Variants in CTNND2 observed in about 807,000 individuals in gnomAD.
CTNND2 encodes catenin delta 2.
A neutral mutation model predicts 144.4 loss-of-function variants in CTNND2; 22 were observed. That is an observed-to-expected ratio of 0.15 (90% CI 0.11 to 0.22). The LOEUF (loss-of-function observed/expected upper bound fraction) is 0.22, where lower values mean the gene tolerates loss of function less well. Ranked by LOEUF, CTNND2 falls within the 10% of genes least tolerant of loss-of-function variation. The pLI, the probability that CTNND2 is intolerant of heterozygous loss-of-function variation, is 1.00. For synonymous variants in CTNND2, 751 were observed against 695.6 expected (o/e 1.08, Z -1.25); for missense variants, 1,353 against 1,618.8 (o/e 0.84, Z 2.82).
chr5:11,903,456 T>G lies in CTNND2; in HGVS notation c.37+361A>C. 1.1e-6 allele frequency: 1 copy of G among 871,542 alleles called. No homozygotes were observed. The allele number at this position is 871,542 out of a possible 1,614,324, so 54.0% of individuals were successfully genotyped here. On this transcript the variant is annotated intron_variant, in intron 1 of 21. Transcript: ENST00000304623. The surrounding 1 kb of genome is among the most constrained non-coding windows in gnomAD (Gnocchi z 5.4). ...CCCCACCCCGTCTCCTCCCGTATAT[T>G]AGGGACGTCATGAATGCACCGAGTA...
At chr5:11,772,485 G>C (rs1790003001) in intron 1 of CTNND2, among the ~76,000 whole-genome samples, 1 of 152,200 alleles carries the variant, frequency 6.6e-6, no homozygotes, top group Non-Finnish European at 1.5e-5. Flanking sequence ...AAAGTTGAAT[G>C]TGTATGCATT....
At chr5:11,211,594 A>C (rs764444160) in intron 10 of CTNND2, among the ~76,000 whole-genome samples, 4 of 152,224 alleles carry the variant, frequency 2.6e-5, no homozygotes, top group Non-Finnish European at 5.9e-5. Context: ...GAGTGTGTTG[A>C]TAATCATCAC....
intron 10 of CTNND2, among the ~76,000 whole-genome samples, chr5:11,222,560 C>A (rs991922781): frequency 1.3e-5 from 2 of 152,194 alleles, no homozygotes; most frequent in African/African-American, 4.8e-5. Flanking sequence ...ATTCTCAGCA[C>A]TTTGGGAGGC....
intron 11 of CTNND2, among the ~76,000 whole-genome samples, chr5:11,181,032 G>A (rs549382797): frequency 1.3e-5 from 2 of 152,310 alleles, no homozygotes; most frequent in Non-Finnish European, 2.9e-5. Context: ...GGCAGGTTAG[G>A]CAGGCTGGGC....
At chr5:11,155,719 T>A (rs1342326469) in intron 12 of CTNND2, among the ~76,000 whole-genome samples, 7 of 152,138 alleles carry the variant, frequency 4.6e-5, no homozygotes, top group African/African-American at 1.4e-4. Context: ...TTTAAGGCTT[T>A]TTTTTCCCCA....
intron 18 of CTNND2, among the ~76,000 whole-genome samples, chr5:10,995,845 G>C (rs1739281971): frequency 6.6e-6 from 1 of 152,132 alleles, no homozygotes; most frequent in Admixed American, 6.5e-5. Context: ...TGGTAGATGG[G>C]GTGACAGGAA....
At chr5:11,067,144 A>G (rs2149605037) in intron 16 of CTNND2, among the ~76,000 whole-genome samples, 1 of 152,320 alleles carries the variant, frequency 6.6e-6, no homozygotes. Flanking sequence ...ACTGCCTCAC[A>G]TCCCCTCTAT....
At chr5:11,750,992 G>C (rs1788579828) in intron 1 of CTNND2, among the ~76,000 whole-genome samples, 1 of 151,720 alleles carries the variant, frequency 6.6e-6, no homozygotes, top group Non-Finnish European at 1.5e-5. Context: ...ATAAAATTAA[G>C]ATTTCATAGA....
At chr5:11,698,682 C>G (rs1325727528) in intron 2 of CTNND2, among the ~76,000 whole-genome samples, 1 of 152,082 alleles carries the variant, frequency 6.6e-6, no homozygotes, top group Admixed American at 6.6e-5. Flanking sequence ...AAATCAGGGA[C>G]TAAATTTTCA....
intron 12 of CTNND2, among the ~76,000 whole-genome samples, chr5:11,147,999 C>A (rs886525): frequency 0.49 from 74,803 of 152,050 alleles, 18,621 homozygotes; most frequent in Admixed American, 0.56. Context: ...ACATAAAGGA[C>A]TGAAGTTCTA....
rs535333042 is a variant in CTNND2 at position 11,155,391 on chromosome 5, A to C, written c.2159+4185T>G. On this transcript the variant is annotated intron_variant, in intron 12 of 21. Coordinates refer to ENST00000304623, the MANE Select transcript of CTNND2 (RefSeq NM_001332.4). ...ACAAAATAACCTCATTTATTCTTAC[A>C]TCCTAAGCCTCTCCAACATTTTGCC... 2.6e-5 allele frequency among the ~76,000 whole-genome samples: 4 copies of C among 152,338 alleles called. 1 individual carries two copies. The South Asian group carries it at 8.3e-4, about 32-fold the overall frequency.
chr5:11,753,168 A>T (rs1327472123), intron 1 of CTNND2, among the ~76,000 whole-genome samples: 2 of 151,400 alleles, frequency 1.3e-5, no homozygotes, highest in Non-Finnish European at 3.0e-5. Context: ...GATGCCTTTT[A>T]TTTCTCCTTC....
intron 9 of CTNND2, among the ~76,000 whole-genome samples, chr5:11,269,241 G>C (rs929724553): frequency 6.6e-6 from 1 of 152,200 alleles, no homozygotes; most frequent in Non-Finnish European, 1.5e-5. Flanking sequence ...GCTTTGAACA[G>C]CGCTTACCCC....
intron 12 of CTNND2, among the ~76,000 whole-genome samples, chr5:11,143,432 C>T (rs952814968): frequency 3.3e-5 from 5 of 152,194 alleles, no homozygotes; most frequent in African/African-American, 1.2e-4. Context: ...TCTCTCTTAG[C>T]TTCTGGTGGT....
intron 3 of CTNND2, among the ~76,000 whole-genome samples, chr5:11,481,937 A>G (rs1240085031): frequency 1.3e-5 from 2 of 152,124 alleles, no homozygotes; most frequent in Non-Finnish European, 2.9e-5. Context: ...TAATTACGCC[A>G]TTTCTTTCTT....
chr5:11,336,391 A>G (rs16901506), intron 9 of CTNND2, among the ~76,000 whole-genome samples: 4,758 of 152,308 alleles, frequency 0.031, 268 homozygotes, highest in East Asian at 0.16. Context: ...ACACACAACC[A>G]GAATGGGCTT....
intron 3 of CTNND2, among the ~76,000 whole-genome samples, chr5:11,545,020 G>A (rs1037082617): frequency 4.0e-5 from 6 of 151,798 alleles, no homozygotes; most frequent in Admixed American, 3.3e-4. Flanking sequence ...TACTTGGGAG[G>A]CTGAGGCAGA....
intron 9 of CTNND2, among the ~76,000 whole-genome samples, chr5:11,265,864 A>G (rs189409216): frequency 1.3e-4 from 19 of 151,976 alleles, no homozygotes; most frequent in Admixed American, 5.2e-4. Context: ...GGATCGCACC[A>G]CCATGCTCAG....
chr5:11,404,630 T>TTG (rs1760936622), intron 5 of CTNND2, among the ~76,000 whole-genome samples: 5 of 131,142 alleles, frequency 3.8e-5, no homozygotes, highest in Non-Finnish European at 3.1e-5. Context: ...TTTTTTTTTT[T>TTG]TTTTTTAGAC....
Sources: gnomAD v4.1 joint callset for allele counts (sites outside exome capture counted in the v4.1 genomes callset) on GRCh38, gnomAD v4.1.1 for gene constraint, Gnocchi (gnomAD v3.1) non-coding constraint, MANE v1.5 for transcripts, NCBI Gene and HGNC (gene_info 2026-07-23, HGNC 2026-07-21) for gene names.